ADGRL3: variants seen among roughly 807,000 people sequenced by gnomAD.
ADGRL3 encodes adhesion G protein-coupled receptor L3.
ADGRL3 carries 62 observed loss-of-function variants against 153.5 expected under a neutral mutation model. The observed-to-expected ratio is 0.40, with a 90% CI of 0.33 to 0.50. The LOEUF is 0.50. Among genes scored for constraint, ADGRL3 ranks in the 20% least tolerant of loss-of-function variants. The probability of loss-of-function intolerance (pLI) is 0.47; values close to 1 mark genes in which losing one functional copy is unlikely to be tolerated. For synonymous variants in ADGRL3, 710 were observed against 672.5 expected, an observed-to-expected ratio of 1.06 and a Z score of -0.86; for missense variants, 1,641 against 1,859.4, an observed-to-expected ratio of 0.88 and a Z score of 2.16.
intron 2 of ADGRL3, among the ~76,000 whole-genome samples, chr4:61,422,696 A>T (rs1277808406): frequency 6.6e-6 from 1 of 152,072 alleles, no homozygotes; most frequent in Non-Finnish European, 1.5e-5. Flanking sequence ...GCTTGGGGGA[A>T]TATCTGTTCT....
At chr4:61,314,942 T>A (rs2095153498) in intron 1 of ADGRL3, among the ~76,000 whole-genome samples, 2 of 152,254 alleles carry the variant, frequency 1.3e-5, no homozygotes, top group African/African-American at 2.4e-5. Context: ...ATTATCTGTA[T>A]CATTCATTAA....
intron 1 of ADGRL3, among the ~76,000 whole-genome samples, chr4:61,271,101 G>A (rs1192280678): frequency 6.6e-6 from 1 of 151,756 alleles, no homozygotes; most frequent in African/African-American, 2.4e-5. Flanking sequence ...CTATGAAGTG[G>A]CAGAATTCAA....
intron 5 of ADGRL3, among the ~76,000 whole-genome samples, chr4:61,588,191 G>A (rs970694223): frequency 1.3e-5 from 2 of 151,696 alleles, no homozygotes; most frequent in Non-Finnish European, 2.9e-5. Context: ...CAGGGATAAA[G>A]TCATTCCTTT....
intron 3 of ADGRL3, among the ~76,000 whole-genome samples, chr4:61,501,304 T>TA (rs1450623026): frequency 6.6e-6 from 1 of 152,216 alleles, no homozygotes; most frequent in Non-Finnish European, 1.5e-5. Flanking sequence ...TTTTTATCTG[T>TA]AAAAATGAAC....
chr4:61,520,238 A>G (rs1234653813), intron 4 of ADGRL3, among the ~76,000 whole-genome samples: 1 of 152,186 alleles, frequency 6.6e-6, no homozygotes, highest in Non-Finnish European at 1.5e-5. Flanking sequence ...GTTAATGACT[A>G]GATATCAAGG....
At chr4:61,670,892 A>G (rs540175812) in intron 5 of ADGRL3, among the ~76,000 whole-genome samples, 15 of 152,204 alleles carry the variant, frequency 9.9e-5, no homozygotes, top group Non-Finnish European at 1.9e-4. Flanking sequence ...TAAGGAGTTC[A>G]GGGTCATTGT....
intron 13 of ADGRL3, among the ~76,000 whole-genome samples, chr4:61,925,642 G>A (rs946132060): frequency 2.0e-5 from 3 of 152,052 alleles, no homozygotes; most frequent in East Asian, 1.9e-4. Flanking sequence ...AAGAGAGAGA[G>A]AGTGGGGTAG....
intron 11 of ADGRL3, among the ~76,000 whole-genome samples, chr4:61,903,865 C>A (rs991999494): frequency 6.6e-6 from 1 of 151,792 alleles, no homozygotes; most frequent in Non-Finnish European, 1.5e-5. Context: ...CTCAACCTCT[C>A]GGGATGAAAC....
intron 1 of ADGRL3, among the ~76,000 whole-genome samples, chr4:61,235,216 A>G (rs1339411779): frequency 6.6e-6 from 1 of 152,134 alleles, no homozygotes; most frequent in African/African-American, 2.4e-5. Flanking sequence ...TGCCTTGCTT[A>G]TCTACAATTT....
intron 1 of ADGRL3, among the ~76,000 whole-genome samples, chr4:61,296,919 C>T (rs917395126): frequency 2.6e-5 from 4 of 152,072 alleles, no homozygotes; most frequent in African/African-American, 9.7e-5. Context: ...AAATGCATTA[C>T]TATGATATAT....
intron 8 of ADGRL3, among the ~76,000 whole-genome samples, chr4:61,788,239 T>C (rs1167034868): frequency 6.6e-6 from 1 of 152,120 alleles, no homozygotes; most frequent in Non-Finnish European, 1.5e-5. Flanking sequence ...CCAGCATTAG[T>C]GAAAACCAGT....
chr4:61,358,465 C>G (rs372438805), intron 1 of ADGRL3, among the ~76,000 whole-genome samples: 4 of 151,836 alleles, frequency 2.6e-5, no homozygotes, highest in African/African-American at 9.7e-5. Flanking sequence ...GGCGTGGTGG[C>G]GGGCGCCTGT....
At chr4:61,562,787 T>C (rs917047225) in intron 4 of ADGRL3, among the ~76,000 whole-genome samples, 1 of 152,076 alleles carries the variant, frequency 6.6e-6, no homozygotes, top group African/African-American at 2.4e-5. Context: ...TCTAAGCTCC[T>C]GTTTATTTTG....
chr4:61,343,606 A>G (rs2095847747), intron 1 of ADGRL3, among the ~76,000 whole-genome samples: 2 of 152,312 alleles, frequency 1.3e-5, no homozygotes, highest in African/African-American at 2.4e-5. Context: ...CTAGGGCATC[A>G]TATTCTAAAA....
chr4:61,909,728 G>A lies in ADGRL3; in HGVS notation c.2056G>A (p.Ala686Thr), dbSNP rs1408807293. 2 of 1,558,972 alleles carry A rather than the reference G, an allele frequency of 1.3e-6. No individual in the cohort carries two copies. Among genetic ancestry groups the A allele is most frequent in the South Asian group, 1.2e-5 (1 of 84,730 alleles). ...GACCCCAGGTGGAAAAGATAGTGCT[G>A]CCCGGAGTTTGAACAAGGTAAGGAC... Reference protein sequence around the residue: ...NLTPGGKDSAARSLNKLQKRE... With the variant: ...NLTPGGKDSATRSLNKLQKRE... The change falls in exon 12 of 27, where the codon GCC (alanine) becomes ACC (threonine). Residue 686 changes from alanine (A) to threonine (T), a missense_variant. Ala to Thr is a moderately conservative substitution (Grantham distance 58). Around this residue, in one of 5 missense-constraint regions of ADGRL3, gnomAD observed 734 missense variants for 797.0 expected, o/e 0.92. Transcript: ENST00000683033.
At chr4:61,258,345 C>A (rs1220357046) in intron 1 of ADGRL3, among the ~76,000 whole-genome samples, 2 of 152,170 alleles carry the variant, frequency 1.3e-5, no homozygotes, top group African/African-American at 2.4e-5. Context: ...CCACCAGGAT[C>A]CCCTGGAATT....
At position 61,744,923 on chromosome 4, in the gene ADGRL3, C is replaced by T. The variant is rs548042632; in HGVS notation, c.1399+11369C>T. On this transcript the variant is annotated intron_variant, in intron 8 of 26. Transcript: ENST00000683033. The stretch of plus-strand genomic sequence containing the variant: ...CAGACGATCAAACTACTCCGAGCTA[C>T]AGGAGGAAATTAAAACCAAAGGCAA... Among the ~76,000 whole-genome samples the T allele has an allele frequency of 2.6e-5, 4 of 152,108 alleles. No individual in the cohort carries two copies. The South Asian group carries it at 8.3e-4, about 32-fold the overall frequency.
chr4:61,880,797 C>T (rs1031004815), intron 9 of ADGRL3, among the ~76,000 whole-genome samples: 1 of 152,120 alleles, frequency 6.6e-6, no homozygotes, highest in Non-Finnish European at 1.5e-5. Context: ...GCCAATTATG[C>T]AGCTCTTTCT....
intron 1 of ADGRL3, among the ~76,000 whole-genome samples, chr4:61,253,545 C>T (rs1402349606): frequency 6.6e-6 from 1 of 152,044 alleles, no homozygotes; most frequent in East Asian, 1.9e-4. Context: ...TGTCTGATTT[C>T]CAAACAGGCC....
Sources: allele counts gnomAD v4.1 joint callset (sites outside exome capture counted in the v4.1 genomes callset), GRCh38; gene constraint gnomAD v4.1.1; regional missense constraint gnomAD v4.1.1; transcripts MANE v1.5; gene names NCBI Gene and HGNC (gene_info 2026-07-23, HGNC 2026-07-21).